Variants in CACNA2D3 observed in about 807,000 individuals in gnomAD.
CACNA2D3 encodes the protein calcium voltage-gated channel auxiliary subunit alpha2delta 3, also known as voltage-dependent calcium channel subunit alpha-2/delta-3.
Under a neutral mutation model 160.6 loss-of-function variants are expected in CACNA2D3, and 60 were observed. The ratio of observed to expected loss-of-function variants is 0.37; its 90% CI spans 0.30 to 0.46. The LOEUF (loss-of-function observed/expected upper bound fraction) is 0.46, where lower values mean the gene tolerates loss of function less well. Among genes scored for constraint, CACNA2D3 ranks in the 20% least tolerant of loss-of-function variants. The pLI, the probability that CACNA2D3 is intolerant of heterozygous loss-of-function variation, is 1.00. For synonymous variants in CACNA2D3, 558 were observed against 492.9 expected, an observed-to-expected ratio of 1.13 and a Z score of -1.75; for missense variants, 1,205 against 1,365.0, an observed-to-expected ratio of 0.88 and a Z score of 1.85.
chr3:54,572,078 G>T (rs1367999465), intron 8 of CACNA2D3, among the ~76,000 whole-genome samples: 1 of 65,154 alleles, frequency 1.5e-5, no homozygotes. Flanking sequence ...GCTGCCTTCT[G>T]CATAGGCGTG....
intron 4 of CACNA2D3, among the ~76,000 whole-genome samples, chr3:54,457,663 C>G (rs1025824975): frequency 2.0e-5 from 3 of 151,760 alleles, no homozygotes; most frequent in African/African-American, 7.3e-5. Flanking sequence ...TTGGAAGTCC[C>G]CAGATTTTAT....
intron 11 of CACNA2D3, among the ~76,000 whole-genome samples, chr3:54,713,279 C>T (rs1050750927): frequency 2.0e-5 from 3 of 152,196 alleles, no homozygotes; most frequent in African/African-American, 7.2e-5. Flanking sequence ...TTCTTGCTTT[C>T]TAAAGCCAAA....
intron 4 of CACNA2D3, among the ~76,000 whole-genome samples, chr3:54,392,940 A>G (rs988982120): frequency 2.6e-5 from 4 of 152,212 alleles, no homozygotes; most frequent in African/African-American, 7.2e-5. Context: ...ATGGCTGGCT[A>G]GAAGAAGCCC....
chr3:54,927,622 A>T (rs1701061696), intron 27 of CACNA2D3, among the ~76,000 whole-genome samples: 1 of 152,180 alleles, frequency 6.6e-6, no homozygotes, highest in African/African-American at 2.4e-5. Context: ...CCCCCAAAGG[A>T]ATAATATACG....
chr3:54,163,955 G>A (rs1227517306), intron 2 of CACNA2D3, among the ~76,000 whole-genome samples: 1 of 152,234 alleles, frequency 6.6e-6, no homozygotes, highest in African/African-American at 2.4e-5. Flanking sequence ...TTCCTGGAGA[G>A]GGAGAGGGAA....
At chr3:54,560,409 C>T (rs1702306046) in intron 5 of CACNA2D3, among the ~76,000 whole-genome samples, 1 of 152,094 alleles carries the variant, frequency 6.6e-6, no homozygotes, top group South Asian at 2.1e-4. Context: ...TGTTCATTTC[C>T]TTTGTCCACT....
At chr3:54,850,727 C>T (rs1254418792) in intron 17 of CACNA2D3, among the ~76,000 whole-genome samples, 1 of 152,202 alleles carries the variant, frequency 6.6e-6, no homozygotes, top group Non-Finnish European at 1.5e-5. Flanking sequence ...ACAGAGGAGC[C>T]TCAGGCAGGC....
chr3:54,526,302 A>G (rs909103620), intron 5 of CACNA2D3, among the ~76,000 whole-genome samples: 6 of 152,162 alleles, frequency 3.9e-5, no homozygotes, highest in Non-Finnish European at 7.4e-5. Flanking sequence ...GTCTTTGTCT[A>G]TTAAACAAAG....
chr3:54,401,725 C>G (rs1335272356), intron 4 of CACNA2D3, among the ~76,000 whole-genome samples: 1 of 152,136 alleles, frequency 6.6e-6, no homozygotes, highest in Non-Finnish European at 1.5e-5. Flanking sequence ...TTTATCACCA[C>G]TAAACCCGTC....
chr3:54,456,498 T>A (rs542131098), intron 4 of CACNA2D3, among the ~76,000 whole-genome samples: 2 of 151,918 alleles, frequency 1.3e-5, no homozygotes, highest in South Asian at 4.1e-4. Flanking sequence ...TATAAGATCA[T>A]CTGCAAACAG....
chr3:54,200,910 G>A (rs1239858776), intron 2 of CACNA2D3, among the ~76,000 whole-genome samples: 2 of 152,092 alleles, frequency 1.3e-5, no homozygotes, highest in African/African-American at 2.4e-5. Context: ...ATTTCTTTAT[G>A]GTTCAAAATT....
At chr3:54,291,578 C>G (rs1478637389) in intron 2 of CACNA2D3, among the ~76,000 whole-genome samples, 1 of 152,084 alleles carries the variant, frequency 6.6e-6, no homozygotes, top group Non-Finnish European at 1.5e-5. Flanking sequence ...TTACTATGGA[C>G]TAGGAAAAAG....
At chr3:54,347,052 A>G (rs1698472157) in intron 3 of CACNA2D3, among the ~76,000 whole-genome samples, 1 of 152,222 alleles carries the variant, frequency 6.6e-6, no homozygotes, top group Non-Finnish European at 1.5e-5. Flanking sequence ...TGCGATGAGG[A>G]AAATGACAAA....
At chr3:54,888,172 C>A in intron 24 of CACNA2D3, 120 bp downstream of exon 24, 1 of 787,180 alleles carries the variant, frequency 1.3e-6, no homozygotes, top group Non-Finnish European at 2.1e-6. Flanking sequence ...TTTAATTTTC[C>A]CCCAAGCTCC....
chr3:54,494,150 C>T (rs1482666192), intron 4 of CACNA2D3, among the ~76,000 whole-genome samples: 1 of 152,198 alleles, frequency 6.6e-6, no homozygotes, highest in Non-Finnish European at 1.5e-5. Flanking sequence ...ACTCGGATGA[C>T]ATGGGGAACA....
At chr3:54,446,814 C>T (rs543911058) in intron 4 of CACNA2D3, among the ~76,000 whole-genome samples, 2 of 152,036 alleles carry the variant, frequency 1.3e-5, no homozygotes, top group Admixed American at 6.6e-5. Context: ...CCCTGGCCTC[C>T]CCTCCCTCCC....
rs888164173 is a variant in CACNA2D3 at position 54,887,357 on chromosome 3, G to A, written c.2057-602G>A. On this transcript the variant is annotated intron_variant, in intron 23 of 37. Coordinates refer to ENST00000474759, the MANE Select transcript of CACNA2D3 (RefSeq NM_018398.3). The stretch of plus-strand genomic sequence containing the variant: ...TAGGAGACTGGCTTGAGCCTGAGAG[G>A]CAGAGGTTGTTGTGAGCTGAGATTG... 1.3e-5 allele frequency among the ~76,000 whole-genome samples: 2 copies of A among 152,102 alleles called. 1 individual carries two copies. The highest frequency in any genetic ancestry group is 1.3e-4 in the Admixed American group (2 of 15,276).
intron 13 of CACNA2D3, among the ~76,000 whole-genome samples, chr3:54,812,318 A>G (rs998684268): frequency 3.3e-5 from 5 of 152,316 alleles, no homozygotes; most frequent in East Asian, 1.9e-4. Context: ...TTTGCTACCA[A>G]TTGCAGGTAT....
chr3:54,767,050 C>T (rs543647692), intron 13 of CACNA2D3, among the ~76,000 whole-genome samples: 36 of 151,792 alleles, frequency 2.4e-4, no homozygotes, highest in African/African-American at 8.4e-4. Flanking sequence ...CCACCTCCCA[C>T]ATCTTATTAG....
Sources: allele counts gnomAD v4.1 joint callset (sites outside exome capture counted in the v4.1 genomes callset), GRCh38; gene constraint gnomAD v4.1.1; transcripts MANE v1.5; gene names NCBI Gene and HGNC (gene_info 2026-07-23, HGNC 2026-07-21).